Variants in PPFIA2 observed in about 807,000 individuals in gnomAD.
The protein encoded by PPFIA2 is liprin-alpha-2.
In PPFIA2, 46 loss-of-function variants were observed where a neutral mutation model predicts 175.5. That is an observed-to-expected ratio of 0.26 (90% confidence interval 0.21 to 0.34). PPFIA2 has a LOEUF of 0.34. Among genes scored for constraint, PPFIA2 ranks in the 10% least tolerant of loss-of-function variants. The probability of loss-of-function intolerance (pLI) is 1.00; values close to 1 mark genes in which losing one functional copy is unlikely to be tolerated. For synonymous variants in PPFIA2, 568 were observed against 511.4 expected, an observed-to-expected ratio of 1.11 and a Z score of -1.49; for missense variants, 1,179 against 1,506.1, an observed-to-expected ratio of 0.78 and a Z score of 3.60.
At chr12:81,443,926 C>A (rs950313306) in intron 6 of PPFIA2, among the ~76,000 whole-genome samples, 3 of 125,118 alleles carry the variant, frequency 2.4e-5, no homozygotes, top group African/African-American at 9.3e-5. Flanking sequence ...GCGATCTGGG[C>A]TCACTGCAAG....
chr12:81,455,464 T>C (rs1028898639), intron 5 of PPFIA2, among the ~76,000 whole-genome samples: 1 of 152,192 alleles, frequency 6.6e-6, no homozygotes, highest in Non-Finnish European at 1.5e-5. Context: ...TTATGCATGG[T>C]TGAAATCAAT....
At chr12:81,725,085 T>C (rs921365637) in intron 3 of PPFIA2, among the ~76,000 whole-genome samples, 1 of 151,172 alleles carries the variant, frequency 6.6e-6, no homozygotes, top group East Asian at 1.9e-4. Context: ...ATTAGTGATG[T>C]TGAACATTTT....
chr12:81,479,240 C>G (rs899817547), intron 4 of PPFIA2, among the ~76,000 whole-genome samples: 8 of 151,992 alleles, frequency 5.3e-5, no homozygotes, highest in African/African-American at 1.9e-4. Context: ...GGATTGCAAC[C>G]CCTGCTTTTT....
intron 4 of PPFIA2, among the ~76,000 whole-genome samples, chr12:81,558,269 C>T (rs985335264): frequency 2.0e-5 from 3 of 152,070 alleles, no homozygotes; most frequent in African/African-American, 7.2e-5. Context: ...GAATCATATT[C>T]ATGCTTTTCC....
intron 30 of PPFIA2, 136 bp downstream of exon 30, chr12:81,266,816 A>T: frequency 1.5e-6 from 1 of 687,322 alleles, no homozygotes; most frequent in Non-Finnish European, 2.5e-6. Context: ...TTAACAACAA[A>T]CCTGGAGAAA....
At chr12:81,508,796 GA>G (rs1273488634) in intron 4 of PPFIA2, among the ~76,000 whole-genome samples, 1 of 125,536 alleles carries the variant, frequency 8.0e-6, no homozygotes, top group Non-Finnish European at 1.6e-5. Flanking sequence ...CCCAGAGTGT[GA>G]TGTTCCCCTT....
At chr12:81,336,900 G>A (rs973104760) in intron 21 of PPFIA2, among the ~76,000 whole-genome samples, 2 of 152,016 alleles carry the variant, frequency 1.3e-5, no homozygotes, top group African/African-American at 2.4e-5. Context: ...ATAATCACTC[G>A]AGATTTTTCC....
chr12:81,567,574 CA>C (rs1379071995), intron 4 of PPFIA2, among the ~76,000 whole-genome samples: 2 of 152,094 alleles, frequency 1.3e-5, no homozygotes, highest in East Asian at 3.9e-4. Flanking sequence ...AGATTGAGTC[CA>C]ATCACTTGGC....
intron 4 of PPFIA2, among the ~76,000 whole-genome samples, chr12:81,558,088 A>T (rs1403802653): frequency 6.6e-6 from 1 of 152,088 alleles, no homozygotes; most frequent in African/African-American, 2.4e-5. Flanking sequence ...TTTATACTCA[A>T]ATCACCCTAA....
At chr12:81,357,184 A>C (rs1474003065) in intron 16 of PPFIA2, among the ~76,000 whole-genome samples, 1 of 152,220 alleles carries the variant, frequency 6.6e-6, no homozygotes. Context: ...AGTAGCACTA[A>C]TTAATTTGTC....
intron 4 of PPFIA2, among the ~76,000 whole-genome samples, chr12:81,668,275 T>C (rs2070742726): frequency 6.6e-6 from 1 of 152,024 alleles, no homozygotes; most frequent in African/African-American, 2.4e-5. Flanking sequence ...GTCTGGCCCA[T>C]GGGAAGCTCA....
At chr12:81,631,842 G>T (rs964217479) in intron 4 of PPFIA2, among the ~76,000 whole-genome samples, 2 of 152,164 alleles carry the variant, frequency 1.3e-5, no homozygotes, top group African/African-American at 2.4e-5. Flanking sequence ...TTCCTCATGG[G>T]TTAGTAATGT....
intron 4 of PPFIA2, among the ~76,000 whole-genome samples, chr12:81,518,799 G>T (rs753029912): frequency 3.3e-5 from 5 of 152,130 alleles, no homozygotes; most frequent in Non-Finnish European, 5.9e-5. Flanking sequence ...CTCAGATGGT[G>T]AAACTGTGGC....
chr12:81,299,981 T>A (rs1037909419), intron 22 of PPFIA2, among the ~76,000 whole-genome samples: 3 of 152,198 alleles, frequency 2.0e-5, no homozygotes, highest in African/African-American at 7.2e-5. Context: ...TCGAAAGCAA[T>A]GTAAGGTATC....
intron 3 of PPFIA2, among the ~76,000 whole-genome samples, chr12:81,747,881 G>A (rs2083265565): frequency 6.9e-6 from 1 of 144,272 alleles, no homozygotes; most frequent in African/African-American, 2.4e-5. Flanking sequence ...TTCTCATCAA[G>A]ATGTACACCA....
intron 4 of PPFIA2, among the ~76,000 whole-genome samples, chr12:81,530,281 C>T (rs2064328168): frequency 6.6e-6 from 1 of 151,848 alleles, no homozygotes. Context: ...TTAAGCAAAG[C>T]TTTGACAGAT....
chr12:81,527,020 T>G (rs774186093), intron 4 of PPFIA2, among the ~76,000 whole-genome samples: 136 of 152,174 alleles, frequency 8.9e-4, no homozygotes, highest in Admixed American at 3.9e-4. Flanking sequence ...TGGTGGGAAC[T>G]TCACATAATT....
At chr12:81,735,398 G>A (rs892967699) in intron 3 of PPFIA2, among the ~76,000 whole-genome samples, 3 of 151,744 alleles carry the variant, frequency 2.0e-5, no homozygotes, top group Admixed American at 1.3e-4. Flanking sequence ...TACCATCACT[G>A]ATGAAATGTC....
At chr12:81,373,347 T>C (rs1204842228) in intron 11 of PPFIA2, among the ~76,000 whole-genome samples, 1 of 151,966 alleles carries the variant, frequency 6.6e-6, no homozygotes, top group Non-Finnish European at 1.5e-5. Context: ...ATTATGCATA[T>C]CTTAGTCTAG....
Sources: gnomAD v4.1 joint callset for allele counts (sites outside exome capture counted in the v4.1 genomes callset) on GRCh38, gnomAD v4.1.1 for gene constraint, MANE v1.5 for transcripts, NCBI Gene and HGNC (gene_info 2026-07-23, HGNC 2026-07-21) for gene names.